MAPKAP1: variants seen among roughly 807,000 people sequenced by gnomAD.
MAPKAP1 encodes MAPK associated protein 1, also known as target of rapamycin complex 2 subunit MAPKAP1.
Under a neutral mutation model 65.7 loss-of-function variants are expected in MAPKAP1, and 20 were observed. The ratio of observed to expected loss-of-function variants is 0.30; its 90% CI spans 0.21 to 0.44. The LOEUF (loss-of-function observed/expected upper bound fraction) is 0.44. Ranked by LOEUF, MAPKAP1 falls within the 20% of genes least tolerant of loss-of-function variation. The pLI is 1.00. For missense variants in MAPKAP1, 423 were observed against 648.0 expected (o/e 0.65, Z 3.77); for synonymous variants, 222 against 244.3 (o/e 0.91, Z 0.85).
intron 4 of MAPKAP1, among the ~76,000 whole-genome samples, chr9:125,656,286 T>A (rs1457852573): frequency 6.6e-6 from 1 of 152,132 alleles, no homozygotes; most frequent in African/African-American, 2.4e-5. Context: ...GACATTCCTG[T>A]CCCCTGGGGG....
At chr9:125,648,665 G>A (rs1320314318) in intron 4 of MAPKAP1, among the ~76,000 whole-genome samples, 1 of 152,102 alleles carries the variant, frequency 6.6e-6, no homozygotes, top group Non-Finnish European at 1.5e-5. Context: ...AATCTCAGCT[G>A]GGCACAGTGG....
intron 7 of MAPKAP1, among the ~76,000 whole-genome samples, chr9:125,532,648 C>T (rs1232043819): frequency 6.6e-6 from 1 of 152,206 alleles, no homozygotes; most frequent in Non-Finnish European, 1.5e-5. Context: ...GTTTACTCAC[C>T]AGGCACATGG....
At chr9:125,445,649 T>G (rs1004264419) in intron 10 of MAPKAP1, among the ~76,000 whole-genome samples, 24 of 152,258 alleles carry the variant, frequency 1.6e-4, no homozygotes, top group Admixed American at 1.2e-3. Flanking sequence ...CTCTTCTAAA[T>G]GCAGACATAG....
intron 4 of MAPKAP1, among the ~76,000 whole-genome samples, chr9:125,631,162 A>AT (rs1168512142): frequency 1.3e-5 from 2 of 151,422 alleles, no homozygotes; most frequent in Admixed American, 1.3e-4. Flanking sequence ...TGATCTCTGC[A>AT]TTCCCCAGCT....
chr9:125,475,958 G>A (rs1442354151), intron 9 of MAPKAP1, among the ~76,000 whole-genome samples: 1 of 152,160 alleles, frequency 6.6e-6, no homozygotes, highest in African/African-American at 2.4e-5. Flanking sequence ...TCATGAATCC[G>A]ACTCCCATTA....
intron 7 of MAPKAP1, among the ~76,000 whole-genome samples, chr9:125,538,713 T>C (rs1298925332): frequency 6.6e-6 from 1 of 152,054 alleles, no homozygotes; most frequent in Non-Finnish European, 1.5e-5. Context: ...CGAGAGGGGC[T>C]CCCCAAACAC....
intron 7 of MAPKAP1, among the ~76,000 whole-genome samples, chr9:125,527,974 G>A (rs1480888839): frequency 6.6e-6 from 1 of 152,178 alleles, no homozygotes; most frequent in African/African-American, 2.4e-5. Context: ...CCTCAGGTGT[G>A]GGCTGGCTGA....
intron 4 of MAPKAP1, among the ~76,000 whole-genome samples, chr9:125,639,304 T>C (rs933673950): frequency 2.0e-5 from 3 of 152,128 alleles, no homozygotes; most frequent in Non-Finnish European, 4.4e-5. Flanking sequence ...TAGGTTCAAA[T>C]TGCAGACTCC....
At chr9:125,613,791 A>G (rs560548359) in intron 4 of MAPKAP1, among the ~76,000 whole-genome samples, 1 of 152,052 alleles carries the variant, frequency 6.6e-6, no homozygotes, top group African/African-American at 2.4e-5. Context: ...TTACTGAAAA[A>G]GAGCAATTTC....
intron 7 of MAPKAP1, among the ~76,000 whole-genome samples, chr9:125,541,610 C>G (rs1744993086): frequency 6.6e-6 from 1 of 152,174 alleles, no homozygotes; most frequent in Non-Finnish European, 1.5e-5. Context: ...CCACTTTTCA[C>G]TGGGAAGGAG....
intron 4 of MAPKAP1, among the ~76,000 whole-genome samples, chr9:125,634,072 T>C (rs1292275702): frequency 1.3e-5 from 2 of 152,220 alleles, no homozygotes; most frequent in Non-Finnish European, 2.9e-5. Context: ...TGGGTTTCTT[T>C]ATCCATATCG....
At chr9:125,581,770 T>A (rs1202406992) in intron 5 of MAPKAP1, among the ~76,000 whole-genome samples, 1 of 152,208 alleles carries the variant, frequency 6.6e-6, no homozygotes, top group Non-Finnish European at 1.5e-5. Context: ...TTATTTTTAA[T>A]TAATACAAGA....
At chr9:125,654,240 G>A (rs1833969203) in intron 4 of MAPKAP1, among the ~76,000 whole-genome samples, 1 of 152,132 alleles carries the variant, frequency 6.6e-6, no homozygotes, top group African/African-American at 2.4e-5. Context: ...AGAAGGACTG[G>A]CACAAGAAGT....
At chr9:125,567,696 C>CT (rs1831101745) in intron 5 of MAPKAP1, 1 of 152,194 alleles carries the variant, frequency 6.6e-6, no homozygotes, top group South Asian at 2.1e-4. Context: ...CAAGAACCCT[C>CT]TCTTGGAGTC....
intron 1 of MAPKAP1, among the ~76,000 whole-genome samples, chr9:125,693,638 C>T (rs374493330): frequency 1.4e-4 from 20 of 143,330 alleles, no homozygotes; most frequent in South Asian, 4.3e-4. Flanking sequence ...CACATATACA[C>T]ACACATATAC....
intron 8 of MAPKAP1, among the ~76,000 whole-genome samples, chr9:125,484,997 T>C (rs1478349851): frequency 1.3e-5 from 2 of 152,264 alleles, no homozygotes; most frequent in Admixed American, 1.3e-4. Context: ...CTTTCCAAGA[T>C]TCCCAAAACG....
chr9:125,439,020 C>T lies in MAPKAP1; in HGVS notation c.1444-8G>A, dbSNP rs1554800466. 1 of 1,612,954 alleles carries T rather than the reference C, an allele frequency of 6.2e-7. No homozygotes were observed. Among genetic ancestry groups the T allele is most frequent in the South Asian group, 1.1e-5 (1 of 90,936 alleles). On this transcript the variant is annotated splice_polypyrimidine_tract_variant and splice_region_variant and intron_variant, in intron 11 of 11. Transcript: ENST00000265960. The surrounding 1 kb of genome is among the most constrained non-coding windows in gnomAD (Gnocchi z 4.0). Reference sequence around the variant, plus strand: ...TTCCAGGATGTAGTTAACCTAGAAACAAGAGCACACAGCCCGGTCACCTTG... The same window carrying T: ...TTCCAGGATGTAGTTAACCTAGAAATAAGAGCACACAGCCCGGTCACCTTG...
At chr9:125,672,774 A>G in intron 1 of MAPKAP1, 131 bp from the exon 2 acceptor site, 1 of 636,030 alleles carries the variant, frequency 1.6e-6, no homozygotes, top group South Asian at 2.0e-5. Context: ...GTGGAGCTTA[A>G]AAGGATTTAG....
At chr9:125,521,644 T>A in intron 7 of MAPKAP1, 1 of 1,535,920 alleles carries the variant, frequency 6.5e-7, no homozygotes, top group Non-Finnish European at 8.7e-7. Flanking sequence ...GTGACAGAAT[T>A]TCCCGTGATG....
Sources: gnomAD v4.1 joint callset for allele counts (sites outside exome capture counted in the v4.1 genomes callset) on GRCh38, gnomAD v4.1.1 for gene constraint, Gnocchi (gnomAD v3.1) non-coding constraint, MANE v1.5 for transcripts, NCBI Gene and HGNC (gene_info 2026-07-23, HGNC 2026-07-21) for gene names.